The following ALDH1A3 variants were observed in gnomAD, a reference collection of about 807,000 sequenced individuals.
ALDH1A3 encodes the protein aldehyde dehydrogenase 1 family member A3.
A neutral mutation model predicts 57.5 loss-of-function variants in ALDH1A3; 28 were observed. The ratio of observed to expected loss-of-function variants is 0.49; its 90% CI spans 0.36 to 0.67. The LOEUF (loss-of-function observed/expected upper bound fraction) is 0.67, where lower values mean the gene tolerates loss of function less well. Among genes scored for constraint, ALDH1A3 ranks in the 30% least tolerant of loss-of-function variants. The pLI is 0.00. For missense variants in ALDH1A3, 507 were observed against 669.4 expected, an observed-to-expected ratio of 0.76 and a Z score of 2.68; for synonymous variants, 281 against 264.8, an observed-to-expected ratio of 1.06 and a Z score of -0.59.
intron 11 of ALDH1A3, 144 bp downstream of exon 11, chr15:100,907,422 AC>A: frequency 1.0e-6 from 1 of 976,394 alleles, no homozygotes; most frequent in African/African-American, 1.6e-5. Flanking sequence ...CATCCTCATG[AC>A]CATCTTCTGA....
At chr15:100,909,110 G>A (rs1365632295) in intron 12 of ALDH1A3, among the ~76,000 whole-genome samples, 1 of 136,010 alleles carries the variant, frequency 7.4e-6, no homozygotes, top group Non-Finnish European at 1.6e-5. Flanking sequence ...ACCCCTCCGT[G>A]CGTGTGCAAA....
At chr15:100,882,375 G>A in intron 1 of ALDH1A3, among the ~76,000 whole-genome samples, 1 of 151,978 alleles carries the variant, frequency 6.6e-6, no homozygotes, top group East Asian at 1.9e-4. Context: ...TAATTTAGAG[G>A]GCCTCTTTCT....
chr15:100,887,748 G>C lies in ALDH1A3; in HGVS notation c.345+36G>C. 6.5e-7 allele frequency: 1 copy of C among 1,548,138 alleles called. No individual in the cohort carries two copies. Among genetic ancestry groups the C allele is most frequent in the Non-Finnish European group, 8.7e-7 (1 of 1,143,236 alleles). On this transcript the variant is annotated intron_variant, in intron 3 of 12. Coordinates refer to ENST00000329841, the MANE Select transcript of ALDH1A3 (RefSeq NM_000693.4). This position sits in a 1 kb window ranked among gnomAD's most constrained non-coding sequence, Gnocchi z 4.6. ...GCACTTGGGGGCCGGTGGGGGATGA[G>C]CCAGCCTCACTGAGGGTCCTGTCCA...
chr15:100,898,456 C>T (rs531534218), intron 8 of ALDH1A3, among the ~76,000 whole-genome samples: 1 of 152,372 alleles, frequency 6.6e-6, no homozygotes, highest in East Asian at 1.9e-4. Flanking sequence ...GTTTCTGCGC[C>T]TTAGCGTTAA....
intron 12 of ALDH1A3, 46 bp downstream of exon 12, chr15:100,908,528 A>T: frequency 6.6e-7 from 1 of 1,519,878 alleles, no homozygotes; most frequent in Non-Finnish European, 9.1e-7. Context: ...TGAACACTAG[A>T]TCCACTAGAT....
rs1352231163 is a variant in ALDH1A3 at position 100,889,965 on chromosome 15, T to C, written c.345+2253T>C. ...CCGTGCATGTTCATGGAGCGTGTTCTCTTGCCGGCTCAGTGGTTTGACAGA... is the reference window on the plus strand; with the variant it reads ...CCGTGCATGTTCATGGAGCGTGTTCCCTTGCCGGCTCAGTGGTTTGACAGA... On this transcript the variant is annotated intron_variant, in intron 3 of 12. Transcript: ENST00000329841. This position sits in a 1 kb window ranked among gnomAD's most constrained non-coding sequence, Gnocchi z 5.1. 6.6e-6 allele frequency among the ~76,000 whole-genome samples: 1 copy of C among 152,218 alleles called. No individual in the cohort carries two copies. Among genetic ancestry groups the C allele is most frequent in the African/African-American group, 2.4e-5 (1 of 41,452 alleles).
At chr15:100,896,181 G>A in intron 7 of ALDH1A3, 135 bp downstream of exon 7, 3 of 655,700 alleles carry the variant, frequency 4.6e-6, no homozygotes, top group Admixed American at 5.8e-5. Flanking sequence ...ATAACAACCA[G>A]TTAAAAAAAG....
chr15:100,910,204 A>G (rs1044664331), intron 12 of ALDH1A3, among the ~76,000 whole-genome samples: 2 of 152,266 alleles, frequency 1.3e-5, no homozygotes, highest in Non-Finnish European at 2.9e-5. Context: ...TTGTGAGTGA[A>G]GCCTGTCCAT....
chr15:100,884,110 T>A (rs2141546264), intron 1 of ALDH1A3, among the ~76,000 whole-genome samples: 1 of 152,310 alleles, frequency 6.6e-6, no homozygotes, highest in South Asian at 2.1e-4. Context: ...GTTCTTCTGA[T>A]GCTGTGATAG....
intron 12 of ALDH1A3, among the ~76,000 whole-genome samples, chr15:100,912,207 T>A (rs1326951514): frequency 1.3e-5 from 2 of 152,250 alleles, no homozygotes; most frequent in Admixed American, 1.3e-4. Flanking sequence ...GGGAGATTGT[T>A]TTCAGAATAA....
chr15:100,910,230 T>C (rs2041869769), intron 12 of ALDH1A3, among the ~76,000 whole-genome samples: 1 of 152,232 alleles, frequency 6.6e-6, no homozygotes, highest in Non-Finnish European at 1.5e-5. Context: ...TTCCCCCTTA[T>C]CCCTGTGGCT....
chr15:100,900,735 T>C lies in ALDH1A3; in HGVS notation c.1044T>C (p.Asp348=). 1 of 1,614,102 alleles carries C rather than the reference T, an allele frequency of 6.2e-7. No homozygotes were observed. Among genetic ancestry groups the C allele is most frequent in the Non-Finnish European group, 8.5e-7 (1 of 1,180,014 alleles). Residue 348 remains aspartate (D), a synonymous_variant, in exon 9 of 13, where the codon GAT becomes GAC. Coordinates refer to ENST00000329841, the MANE Select transcript of ALDH1A3 (RefSeq NM_000693.4). ...AKKRPVGDPF[D]VKTEQGPQID... is the part of the protein sequence containing the mutation. The stretch of plus-strand genomic sequence containing the variant: ...AACGGCCCGTGGGAGACCCCTTCGA[T>C]GTCAAAACAGAACAGGGGCCTCAGG...
rs1457881101 is a variant in ALDH1A3, at chr15:100,891,656, ATCACCATC to A, written c.346-849_346-842del. 5.9e-5 allele frequency among the ~76,000 whole-genome samples: 9 copies of A among 152,242 alleles called. No individual in the cohort carries two copies. The East Asian group carries it at 1.7e-3, about 29-fold the overall frequency. ...GAGGAGGGGCCTTCTTCCTTTTTCAATCACCATCTCACTCCACTGACTCTTCCACAAGA... is the reference window on the plus strand; with the variant it reads ...GAGGAGGGGCCTTCTTCCTTTTTCAATCACTCCACTGACTCTTCCACAAGA... On this transcript the variant is annotated intron_variant, in intron 3 of 12. Coordinates refer to ENST00000329841, the MANE Select transcript of ALDH1A3 (RefSeq NM_000693.4).
Position 100,887,827 on chromosome 15 carries a change from T to C in ALDH1A3, c.345+115T>C. 3.1e-6 allele frequency: 4 copies of C among 1,281,896 alleles called. No homozygotes were observed. Among genetic ancestry groups the C allele is most frequent in the Non-Finnish European group, 4.1e-6 (4 of 968,182 alleles). The allele number at this position is 1,281,896 out of a possible 1,614,324, so 79.4% of individuals were successfully genotyped here. ...TCCTGGTTTTGTGTGGTCGTGGGTCTGTTCCATCCTCTGAGACACGGCTCT... is the reference window on the plus strand; with the variant it reads ...TCCTGGTTTTGTGTGGTCGTGGGTCCGTTCCATCCTCTGAGACACGGCTCT... On this transcript the variant is annotated intron_variant, in intron 3 of 12. Transcript: ENST00000329841. This position sits in a 1 kb window ranked among gnomAD's most constrained non-coding sequence, Gnocchi z 4.6.
intron 12 of ALDH1A3, among the ~76,000 whole-genome samples, chr15:100,912,929 C>T (rs1193079749): frequency 3.4e-5 from 1 of 29,614 alleles, no homozygotes; most frequent in Non-Finnish European, 7.6e-5. Context: ...GAGGCCGAGG[C>T]GGGCGGATCA....
At chr15:100,907,997 C>T (rs558051671) in intron 11 of ALDH1A3, among the ~76,000 whole-genome samples, 5 of 151,866 alleles carry the variant, frequency 3.3e-5, no homozygotes, top group African/African-American at 9.7e-5. Context: ...TACAGGTGCA[C>T]GCCACCACGC....
At chr15:100,888,370 A>C (rs1310065132) in intron 3 of ALDH1A3, 2 of 152,158 alleles carry the variant, frequency 1.3e-5, no homozygotes, top group African/African-American at 2.4e-5. Flanking sequence ...TGGCCTCCCA[A>C]AGTGCTGGGA....
chr15:100,912,715 T>C (rs1309676487), intron 12 of ALDH1A3, among the ~76,000 whole-genome samples: 4 of 152,220 alleles, frequency 2.6e-5, no homozygotes, highest in African/African-American at 9.6e-5. Flanking sequence ...TCTGTAATTG[T>C]TATAATTACA....
chr15:100,893,732 A>T lies in ALDH1A3; in HGVS notation c.538-222A>T. On this transcript the variant is annotated intron_variant, in intron 5 of 12. Transcript: ENST00000329841. The surrounding 1 kb of genome is among the most constrained non-coding windows in gnomAD (Gnocchi z 4.8). ...GAGGGAGAGGTAGAACACATGCAAC[A>T]GCATCCTCTTTGCAAAGGCTGCCTA... 1 of 498,090 alleles carries T rather than the reference A, an allele frequency of 2.0e-6. No homozygotes were observed. Among genetic ancestry groups the T allele is most frequent in the African/African-American group, 1.9e-5 (1 of 52,336 alleles). 30.9% of individuals were successfully genotyped at this position (498,090 alleles called of 1,614,324 possible).
Sources: gnomAD v4.1 joint callset for allele counts (sites outside exome capture counted in the v4.1 genomes callset) on GRCh38, gnomAD v4.1.1 for gene constraint, Gnocchi (gnomAD v3.1) non-coding constraint, MANE v1.5 for transcripts, NCBI Gene and HGNC (gene_info 2026-07-23, HGNC 2026-07-21) for gene names.